The following MGAM2 variants were observed in gnomAD, a reference collection of about 807,000 sequenced individuals.
The protein encoded by MGAM2 is maltase-glucoamylase 2 (putative).
In MGAM2, 98 loss-of-function variants were observed where a neutral mutation model predicts 96.1. The ratio of observed to expected loss-of-function variants is 1.02; its 90% CI spans 0.87 to 1.21. The LOEUF (loss-of-function observed/expected upper bound fraction) is 1.21, where lower values mean the gene tolerates loss of function less well. Among genes scored for constraint, MGAM2 ranks in the 50% most tolerant of loss-of-function variants. The pLI is 0.00. For missense variants in MGAM2, 2,055 were observed against 1,182.4 expected (o/e 1.74, Z -10.82); for synonymous variants, 749 against 414.8 (o/e 1.81, Z -9.79).
chr7:142,183,838 T>C (rs1329361781), intron 33 of MGAM2, among the ~76,000 whole-genome samples: 1 of 152,162 alleles, frequency 6.6e-6, no homozygotes, highest in African/African-American at 2.4e-5. Flanking sequence ...GTCTGATTTT[T>C]GGCAATAGCA....
At chr7:142,145,960 C>T (rs982358301) in intron 14 of MGAM2, among the ~76,000 whole-genome samples, 1 of 152,120 alleles carries the variant, frequency 6.6e-6, no homozygotes. Flanking sequence ...TTACTTATAC[C>T]CCTGAGACCA....
At position 142,147,442 on chromosome 7, in the gene MGAM2, G is replaced by T; in HGVS notation, c.1517-14G>T. 1.4e-6 allele frequency: 1 copy of T among 698,780 alleles called. No individual in the cohort carries two copies. Among genetic ancestry groups the T allele is most frequent in the Non-Finnish European group, 2.6e-6 (1 of 383,564 alleles). The allele number at this position is 698,780 out of a possible 1,614,324, so 43.3% of individuals were successfully genotyped here. On this transcript the variant is annotated splice_polypyrimidine_tract_variant and intron_variant, in intron 14 of 47. Transcript: ENST00000477922. ...TAATGAGGAAGTGCCTCACTAATGA[G>T]TATTTCCCTCCAGGAGTTCTGGATC...
chr7:142,190,043 G>T (rs1340974097), intron 37 of MGAM2, among the ~76,000 whole-genome samples: 5 of 151,658 alleles, frequency 3.3e-5, no homozygotes, highest in Non-Finnish European at 5.9e-5. Context: ...ACCATATTTT[G>T]CTTGCCTATC....
In MGAM2 at chr7:142,196,146, C is replaced by G; in HGVS notation, c.4347-8C>G. 9.4e-7 allele frequency: 1 copy of G among 1,058,488 alleles called. No individual in the cohort carries two copies. The highest frequency in any genetic ancestry group is 2.4e-4 in the Middle Eastern group (1 of 4,142). 65.6% of individuals were successfully genotyped at this position (1,058,488 alleles called of 1,614,324 possible). On this transcript the variant is annotated splice_polypyrimidine_tract_variant and splice_region_variant and intron_variant, in intron 37 of 47. Transcript: ENST00000477922. ...CTTCAACTCACCTCTTTATTCCCCT[C>G]CCACCAGAGCTGTGCAGGAGGTGAC...
At chr7:142,185,796 C>T (rs1796675973) in intron 34 of MGAM2, among the ~76,000 whole-genome samples, 193 bp from the exon 35 acceptor site, 1 of 152,108 alleles carries the variant, frequency 6.6e-6, no homozygotes, top group South Asian at 2.1e-4. Context: ...GCTATCTAAC[C>T]TTCTTCTAAG....
chr7:142,149,005 TC>T (rs1359990808), intron 15 of MGAM2, among the ~76,000 whole-genome samples: 4 of 152,226 alleles, frequency 2.6e-5, no homozygotes, highest in African/African-American at 9.6e-5. Context: ...GGTGGGCAGA[TC>T]ACCTGAGTTC....
chr7:142,116,486 C>T (rs1007863860), intron 1 of MGAM2, among the ~76,000 whole-genome samples: 9 of 152,318 alleles, frequency 5.9e-5, no homozygotes, highest in African/African-American at 1.9e-4. Flanking sequence ...CTGAGCATAC[C>T]TTCCTGTCTA....
At chr7:142,190,164 T>C (rs1404643375) in intron 37 of MGAM2, among the ~76,000 whole-genome samples, 5 of 152,116 alleles carry the variant, frequency 3.3e-5, no homozygotes, top group African/African-American at 4.8e-5. Flanking sequence ...TTCTTTGTTT[T>C]GAATATGTAT....
intron 33 of MGAM2, among the ~76,000 whole-genome samples, chr7:142,184,701 G>T (rs1429050336): frequency 1.3e-5 from 2 of 152,106 alleles, no homozygotes; most frequent in Admixed American, 6.5e-5. Flanking sequence ...AGGTGTATGG[G>T]TTATGAATGG....
chr7:142,147,405 G>A (rs1795418629), intron 14 of MGAM2, 51 bp from the exon 15 acceptor site: 1 of 672,534 alleles, frequency 1.5e-6, no homozygotes, highest in South Asian at 1.6e-5. Flanking sequence ...CCGCTAATTT[G>A]TTAAAGATGG....
At chr7:142,219,732 C>CA in intron 47 of MGAM2, 138 bp from the exon 48 acceptor site, 1 of 593,270 alleles carries the variant, frequency 1.7e-6, no homozygotes, top group Non-Finnish European at 3.0e-6. Flanking sequence ...TGACCTAACC[C>CA]AAAAAGGAAT....
Position 142,131,809 on chromosome 7 carries a change from A to G in MGAM2, c.421-122A>G, listed in dbSNP as rs59441141. On this transcript the variant is annotated intron_variant, in intron 5 of 47. Coordinates refer to ENST00000477922, the MANE Select transcript of MGAM2 (RefSeq NM_001293626.2). ...TGGGTGATTTCACAAATCAGAAGCC[A>G]CAAGGTGAAGAATTAGAAGCTATTC... The G allele has an allele frequency of 3.9e-3, 2,391 of 613,708 alleles. 51 individuals carry two copies. The highest frequency in any genetic ancestry group is 0.03 in the South Asian group (1,519 of 50,998). The allele number at this position is 613,708 out of a possible 1,614,324, so 38.0% of individuals were successfully genotyped here.
Position 142,116,903 on chromosome 7 carries a change from C to T in MGAM2, c.30C>T (p.Val10=). 1 of 703,448 alleles carries T rather than the reference C, an allele frequency of 1.4e-6. No individual in the cohort carries two copies. The allele number at this position is 703,448 out of a possible 1,614,324, so 43.6% of individuals were successfully genotyped here. Residue 10 remains valine, a synonymous_variant, in exon 2 of 48, where the codon GTC becomes GTT. Coordinates refer to ENST00000477922, the MANE Select transcript of MGAM2 (RefSeq NM_001293626.2). MARKLSVLE[V]LLIIFCLIVV... ...CGAGGAAGCTCAGTGTATTGGAAGT[C>T]CTTCTGATCATCTTCTGCTTAATTG...
Position 142,220,246 on chromosome 7 carries a change from C to G in MGAM2, c.5735C>G (p.Thr1912Arg), listed in dbSNP as rs1277261232. The G allele has an allele frequency of 1.4e-6, 1 of 702,546 alleles. No homozygotes were observed. The highest frequency in any genetic ancestry group is 2.7e-5 in the East Asian group (1 of 37,250). The allele number at this position is 702,546 out of a possible 1,614,324, so 43.5% of individuals were successfully genotyped here. A position where few individuals can be genotyped will look rare whatever the true frequency, so the allele number is the denominator to read the frequency against. ...TPFPTSTIGVTTNATVPNTTA... is the reference protein window; with the variant it reads ...TPFPTSTIGVRTNATVPNTTA... The stretch of plus-strand genomic sequence containing the variant: ...TTCCCAACAAGTACTATTGGTGTTA[C>G]AACTAATGCTACTGTTCCCAATACA... Residue 1912 changes from threonine (T) to arginine (R), a missense_variant, in exon 48 of 48, where the codon ACA (threonine) becomes AGA (arginine). Physicochemically the swap from Thr to Arg is moderately conservative, Grantham distance 71. Coordinates refer to ENST00000477922, the MANE Select transcript of MGAM2 (RefSeq NM_001293626.2).
Position 142,136,578 on chromosome 7 carries a change from T to C in MGAM2, c.785T>C (p.Leu262Ser), listed in dbSNP as rs1585152729. The change falls in exon 8 of 48, where the codon TTG becomes TCG. Residue 262 changes from leucine (L) to serine (S), a missense_variant. Leu to Ser is a moderately radical substitution (Grantham distance 145). Coordinates refer to ENST00000477922, the MANE Select transcript of MGAM2 (RefSeq NM_001293626.2). ...INLYGAHTFF[L>S]CLEDARGSSF... ...CTGTATGGAGCTCATACATTCTTCT[T>C]GTGCCTTGAAGATGCCAGGGGCTCC... 4 of 702,536 alleles carry C rather than the reference T, an allele frequency of 5.7e-6. No homozygotes were observed. Among genetic ancestry groups the C allele is most frequent in the African/African-American group, 1.7e-5 (1 of 57,216 alleles). 43.5% of individuals were successfully genotyped at this position (702,536 alleles called of 1,614,324 possible).
intron 2 of MGAM2, 92 bp downstream of exon 2, chr7:142,117,071 G>A: frequency 1.4e-6 from 1 of 690,036 alleles, no homozygotes; most frequent in Non-Finnish European, 2.6e-6. Context: ...TTTTCAATAT[G>A]CCACTACATT....
At chr7:142,181,653 C>T (rs1796546538) in intron 32 of MGAM2, among the ~76,000 whole-genome samples, 1 of 152,172 alleles carries the variant, frequency 6.6e-6, no homozygotes, top group Non-Finnish European at 1.5e-5. Flanking sequence ...ACAGCCTGAG[C>T]CAAAGGTCAA....
chr7:142,177,892 G>A (rs1372171924), intron 32 of MGAM2, among the ~76,000 whole-genome samples: 2 of 152,104 alleles, frequency 1.3e-5, no homozygotes, highest in Admixed American at 1.3e-4. Flanking sequence ...CCCAGTAATG[G>A]GGTTGCTGGG....
chr7:142,217,239 T>C (rs906714881), intron 46 of MGAM2, among the ~76,000 whole-genome samples: 4 of 152,208 alleles, frequency 2.6e-5, no homozygotes, highest in Non-Finnish European at 4.4e-5. Flanking sequence ...CATGATTTGG[T>C]TAACTTCCTA....
Sources: allele counts gnomAD v4.1 joint callset (sites outside exome capture counted in the v4.1 genomes callset), GRCh38; gene constraint gnomAD v4.1.1; transcripts MANE v1.5; gene names NCBI Gene and HGNC (gene_info 2026-07-23, HGNC 2026-07-21).